DLG2: variants seen among roughly 807,000 people sequenced by gnomAD.
DLG2 encodes the protein disks large homolog 2.
In DLG2, 45 loss-of-function variants were observed where a neutral mutation model predicts 132.5. That is an observed-to-expected ratio of 0.34 (90% CI 0.27 to 0.44). The LOEUF is 0.44. Among genes scored for constraint, DLG2 ranks in the 20% least tolerant of loss-of-function variants. The pLI is 1.00. For synonymous variants in DLG2, 424 were observed against 419.6 expected (o/e 1.01, Z -0.13); for missense variants, 1,045 against 1,196.9 (o/e 0.87, Z 1.87).
intron 6 of DLG2, among the ~76,000 whole-genome samples, chr11:84,766,669 T>C (rs1162435899): frequency 2.0e-5 from 3 of 152,084 alleles, no homozygotes; most frequent in East Asian, 1.9e-4. Flanking sequence ...AGTGCTTTCA[T>C]TGTATTTAAT....
chr11:84,916,611 G>C (rs1454741649), intron 6 of DLG2, among the ~76,000 whole-genome samples: 1 of 152,118 alleles, frequency 6.6e-6, no homozygotes, highest in Non-Finnish European at 1.5e-5. Flanking sequence ...GATTACTGCA[G>C]GAACTTCTAC....
chr11:83,477,694 T>TAA (rs2092724062), intron 22 of DLG2, among the ~76,000 whole-genome samples: 1 of 152,064 alleles, frequency 6.6e-6, no homozygotes, highest in Non-Finnish European at 1.5e-5. Context: ...TATGGAATGG[T>TAA]AAAGTATAAC....
At chr11:85,006,936 C>T (rs546039502) in intron 6 of DLG2, among the ~76,000 whole-genome samples, 1 of 152,214 alleles carries the variant, frequency 6.6e-6, no homozygotes, top group South Asian at 2.1e-4. Flanking sequence ...AGCAAATAAT[C>T]TTTAAACCCT....
At chr11:84,827,670 T>C (rs565539766) in intron 6 of DLG2, among the ~76,000 whole-genome samples, 3 of 17,390 alleles carry the variant, frequency 1.7e-4, no homozygotes, top group African/African-American at 2.6e-4. Context: ...ACTGAGTACA[T>C]ACAGTCAAAA....
intron 18 of DLG2, among the ~76,000 whole-genome samples, chr11:83,725,563 G>T (rs35301519): frequency 0.041 from 6,255 of 152,210 alleles, 189 homozygotes; most frequent in Middle Eastern, 0.1. Flanking sequence ...CAAGAAATAA[G>T]GTCCTCTCAA....
intron 11 of DLG2, among the ~76,000 whole-genome samples, chr11:84,019,976 G>A (rs538382024): frequency 6.6e-6 from 1 of 152,130 alleles, no homozygotes; most frequent in African/African-American, 2.4e-5. Context: ...CAGAGAGAGG[G>A]CATGCCAGAG....
chr11:84,691,072 A>G (rs2057976016), intron 6 of DLG2, among the ~76,000 whole-genome samples: 1 of 151,638 alleles, frequency 6.6e-6, no homozygotes, highest in African/African-American at 2.4e-5. Flanking sequence ...CATCTTTAAC[A>G]TTTTTTCAAG....
At chr11:84,532,233 C>T (rs1482854034) in intron 7 of DLG2, among the ~76,000 whole-genome samples, 1 of 145,982 alleles carries the variant, frequency 6.9e-6, no homozygotes, top group Non-Finnish European at 1.5e-5. Flanking sequence ...CCAGAAGTAA[C>T]ACAAGGAATC....
At chr11:84,949,959 G>A (rs772985869) in intron 6 of DLG2, among the ~76,000 whole-genome samples, 1 of 152,126 alleles carries the variant, frequency 6.6e-6, no homozygotes, top group African/African-American at 2.4e-5. Context: ...CAGTAAAGAC[G>A]GGCATAAGAA....
In DLG2 at chr11:83,868,095, C is replaced by A. The variant is rs562914817; in HGVS notation, c.1565+6325G>T. ...AGCACGTGATGCTGAACTGGGGGGA[C>A]AGCGATGGTCAGAGGAATTTGCTGC... is the stretch of plus-strand genomic sequence containing the variant. On this transcript the variant is annotated intron_variant, in intron 16 of 27. Transcript: ENST00000376104. Among the ~76,000 whole-genome samples the A allele has an allele frequency of 1.1e-3, 164 of 152,190 alleles. 2 individuals carry two copies. Among genetic ancestry groups the A allele is most frequent in the African/African-American group, 3.8e-3 (159 of 41,524 alleles).
chr11:84,097,093 A>C lies in DLG2; in HGVS notation c.749+1830T>G, dbSNP rs776998069. 3.3e-5 allele frequency among the ~76,000 whole-genome samples: 5 copies of C among 152,300 alleles called. No individual in the cohort carries two copies. In the South Asian group the frequency reaches 8.3e-4, roughly 25 times the overall value. On this transcript the variant is annotated intron_variant, in intron 10 of 27. Coordinates refer to ENST00000376104, the MANE Select transcript of DLG2 (RefSeq NM_001142699.3). ...CTATGAAGCTTACATTTCGCTCCTT[A>C]AGTCACAGTCCTCAATGTGGCTCCA...
At chr11:84,971,090 A>AT (rs1249823536) in intron 6 of DLG2, among the ~76,000 whole-genome samples, 1 of 152,200 alleles carries the variant, frequency 6.6e-6, no homozygotes, top group Non-Finnish European at 1.5e-5. Context: ...CTGATGATGA[A>AT]TTGAAAGCAT....
chr11:84,392,055 A>G (rs2098794429), intron 7 of DLG2, among the ~76,000 whole-genome samples: 1 of 152,158 alleles, frequency 6.6e-6, no homozygotes, highest in Non-Finnish European at 1.5e-5. Flanking sequence ...GTCTTTGTGA[A>G]GAATCAATTA....
intron 5 of DLG2, among the ~76,000 whole-genome samples, chr11:85,123,257 G>A (rs1345265926): frequency 3.3e-5 from 5 of 151,940 alleles, no homozygotes; most frequent in Non-Finnish European, 5.9e-5. Context: ...GATTACAGGC[G>A]TGAGCCACCA....
chr11:83,485,207 T>C (rs1300024440), intron 21 of DLG2, among the ~76,000 whole-genome samples: 1 of 152,144 alleles, frequency 6.6e-6, no homozygotes, highest in Non-Finnish European at 1.5e-5. Flanking sequence ...AACACATAGA[T>C]ACATAATACG....
intron 6 of DLG2, among the ~76,000 whole-genome samples, chr11:84,602,215 C>A (rs1284091744): frequency 6.6e-6 from 1 of 151,704 alleles, no homozygotes; most frequent in Non-Finnish European, 1.5e-5. Flanking sequence ...TAGGGTAGGA[C>A]ACAGTAAAAT....
chr11:85,211,560 A>G (rs1471246724), intron 4 of DLG2, among the ~76,000 whole-genome samples: 2 of 151,678 alleles, frequency 1.3e-5, no homozygotes, highest in South Asian at 2.1e-4. Context: ...CCCTTGCTGT[A>G]TAAGAGTACC....
chr11:83,826,918 G>A (rs1322131126), intron 17 of DLG2, among the ~76,000 whole-genome samples: 2 of 152,286 alleles, frequency 1.3e-5, no homozygotes, highest in East Asian at 1.9e-4. Flanking sequence ...ATGTGGAGAT[G>A]AGACTTGTCC....
chr11:85,439,994 T>G (rs186138376), intron 3 of DLG2, among the ~76,000 whole-genome samples: 1 of 152,182 alleles, frequency 6.6e-6, no homozygotes, highest in African/African-American at 2.4e-5. Context: ...AATCAGACTG[T>G]CTGGATTTGA....
Sources: gnomAD v4.1 joint callset for allele counts (sites outside exome capture counted in the v4.1 genomes callset) on GRCh38, gnomAD v4.1.1 for gene constraint, MANE v1.5 for transcripts, NCBI Gene and HGNC (gene_info 2026-07-23, HGNC 2026-07-21) for gene names.